MATR3: variants seen among roughly 807,000 people sequenced by gnomAD.
MATR3 encodes matrin 3, also known as matrin-3.
MATR3 carries 4 observed loss-of-function variants against 85.5 expected under a neutral mutation model. The observed-to-expected ratio is 0.05, with a 90% CI of 0.02 to 0.11. The LOEUF is 0.11. Among genes scored for constraint, MATR3 ranks in the 10% least tolerant of loss-of-function variants. The pLI, the probability that MATR3 is intolerant of heterozygous loss-of-function variation, is 1.00. For synonymous variants in MATR3, 336 were observed against 343.1 expected (o/e 0.98, Z 0.23); for missense variants, 685 against 1,016.1 (o/e 0.67, Z 4.43).
chr5:139,321,962 C>T lies in MATR3; in HGVS notation c.1667C>T (p.Ala556Val). The T allele has an allele frequency of 6.2e-7, 1 of 1,613,824 alleles. No individual in the cohort carries two copies. The highest frequency in any genetic ancestry group is 8.5e-7 in the Non-Finnish European group (1 of 1,179,890). ...ATGGTTGACCATTGTTTGAAAAAAG[C>T]CCTTTGGTTTCAGGGGAGATGTGTG... The part of the protein sequence containing the change: ...MAMVDHCLKK[A>V]LWFQGRCVKV... Residue 556 changes from alanine to valine, a missense_variant, in exon 10 of 15, where the codon GCC becomes GTC. Physicochemically the swap from Ala to Val is moderately conservative, Grantham distance 64 (BLOSUM62 0). Around this residue, in one of 9 missense-constraint regions of MATR3, gnomAD observed 50 missense variants for 133.4 expected, o/e 0.37. Transcript: ENST00000394805.
intron 1 of MATR3, among the ~76,000 whole-genome samples, chr5:139,296,233 T>C (rs1398508738): frequency 6.6e-6 from 1 of 152,244 alleles, no homozygotes; most frequent in Non-Finnish European, 1.5e-5. Flanking sequence ...CTGCTAATTC[T>C]GTTGTGAAAG....
intron 2 of MATR3, chr5:139,276,320 A>G (rs1403145857): frequency 1.2e-5 from 5 of 432,646 alleles, no homozygotes; most frequent in African/African-American, 2.0e-5. Context: ...ATGCCAGCAT[A>G]GTTGCTTATC....
Position 139,325,674 on chromosome 5 carries a change from G to A in MATR3, c.2371+12G>A, listed in dbSNP as rs758513625. 4 of 1,607,056 alleles carry A rather than the reference G, an allele frequency of 2.5e-6. No homozygotes were observed. The highest frequency in any genetic ancestry group is 2.6e-6 in the Non-Finnish European group (3 of 1,173,624). ...CAATGTTCCTGTTGGTGAGATTTAA[G>A]TCTTTGTTCTTCACCTTCCTCACTC... On this transcript the variant is annotated intron_variant, in intron 13 of 14. Coordinates refer to ENST00000394805, the MANE Select transcript of MATR3 (RefSeq NM_018834.6).
intron 1 of MATR3, among the ~76,000 whole-genome samples, chr5:139,302,083 C>G (rs1004309461): frequency 2.0e-5 from 3 of 152,148 alleles, no homozygotes; most frequent in Non-Finnish European, 4.4e-5. Flanking sequence ...ACTTTTTTAT[C>G]TTTTCTATTG....
At position 139,330,833 on chromosome 5, in the gene MATR3, T is replaced by C. The variant is rs1756106812; in HGVS notation, c.*1438T>C. 2.2e-6 allele frequency: 1 copy of C among 454,030 alleles called. No individual in the cohort carries two copies. Among genetic ancestry groups the C allele is most frequent in the East Asian group, 6.9e-5 (1 of 14,412 alleles). 28.1% of individuals were successfully genotyped at this position (454,030 alleles called of 1,614,324 possible). Reference sequence around the variant, plus strand: ...TCTTCCCTGACACAGGGTCTCACTCTGTCACCCAGACTGGAGTGCAGTGGC... The same window carrying C: ...TCTTCCCTGACACAGGGTCTCACTCCGTCACCCAGACTGGAGTGCAGTGGC... On this transcript the variant is annotated 3_prime_UTR_variant, in exon 15 of 15. Coordinates refer to ENST00000394805, the MANE Select transcript of MATR3 (RefSeq NM_018834.6).
chr5:139,314,011 G>C (rs1258400334), intron 2 of MATR3: 1 of 152,504 alleles, frequency 6.6e-6, no homozygotes, highest in East Asian at 1.9e-4. Context: ...CCGCCTTTTG[G>C]GTTCAAGAGA....
At chr5:139,290,903 AT>A (rs1753852622), upstream of MATR3, among the ~76,000 whole-genome samples, 3 of 152,178 alleles carry the variant, frequency 2.0e-5, no homozygotes, top group Admixed American at 6.5e-5. Flanking sequence ...GTTGGATAGT[AT>A]TAAATAGGAC....
chr5:139,314,922 C>T (rs1012851094), intron 3 of MATR3, 186 bp downstream of exon 3: 1 of 564,294 alleles, frequency 1.8e-6, no homozygotes, highest in Non-Finnish European at 3.2e-6. Flanking sequence ...ATATTAGATG[C>T]AGTAATAATA....
At chr5:139,294,757 T>A (rs1754056058) in intron 1 of MATR3, 1 of 152,126 alleles carries the variant, frequency 6.6e-6, no homozygotes, top group African/African-American at 2.4e-5. Context: ...TGGAGTACCG[T>A]GGTGTAGTCG....
At chr5:139,324,560 C>T (rs1285129627) in intron 12 of MATR3, among the ~76,000 whole-genome samples, 1 of 152,094 alleles carries the variant, frequency 6.6e-6, no homozygotes, top group Non-Finnish European at 1.5e-5. Flanking sequence ...TCCCAAAGTG[C>T]TGGAATTACA....
At chr5:139,288,664 G>A (rs1056821014) in intron 3 of MATR3, among the ~76,000 whole-genome samples, 5 of 151,072 alleles carry the variant, frequency 3.3e-5, no homozygotes, top group Admixed American at 6.6e-5. Flanking sequence ...TTTTTGAGAC[G>A]GAGTCTCACT....
In MATR3 at chr5:139,330,324, G is replaced by A. The variant is rs886059997; in HGVS notation, c.*929G>A. The A allele has an allele frequency of 2.2e-6, 1 of 453,956 alleles. No homozygotes were observed. Among genetic ancestry groups the A allele is most frequent in the South Asian group, 1.6e-5 (1 of 64,326 alleles). The allele number at this position is 453,956 out of a possible 1,614,324, so 28.1% of individuals were successfully genotyped here. A position where few individuals can be genotyped will look rare whatever the true frequency, so the allele number is the denominator to read the frequency against. On this transcript the variant is annotated 3_prime_UTR_variant, in exon 15 of 15. Transcript: ENST00000394805. ...TTGCATGTATAATTTGTGTTTACTT[G>A]TAACTTTCTGGTTATATACTGCTTA... is the stretch of plus-strand genomic sequence containing the variant.
chr5:139,285,543 C>T (rs1753675636), intron 3 of MATR3, among the ~76,000 whole-genome samples: 1 of 152,116 alleles, frequency 6.6e-6, no homozygotes, highest in South Asian at 2.1e-4. Context: ...ACTGGTGGCA[C>T]AGGCCTCTAC....
At chr5:139,315,942 C>G in intron 4 of MATR3, 134 bp from the exon 5 acceptor site, 1 of 797,152 alleles carries the variant, frequency 1.3e-6, no homozygotes, top group Non-Finnish European at 2.2e-6. Context: ...TAGACTTTGA[C>G]CTAGTTACTT....
Position 139,310,434 on chromosome 5 carries a change from G to GT in MATR3, c.912+2113dup, listed in dbSNP as rs566318499. ...TCTAGTTTTCTAGTTGCTTTACTATGTTTTTTACGTATATGCATTATATTG... is the reference window on the plus strand; with the variant it reads ...TCTAGTTTTCTAGTTGCTTTACTATGTTTTTTTACGTATATGCATTATATTG... On this transcript the variant is annotated intron_variant, in intron 2 of 14. Transcript: ENST00000394805. 493 of 152,198 alleles carry GT rather than the reference G, an allele frequency of 3.2e-3. 3 individuals are homozygous for GT. The highest frequency in any genetic ancestry group is 0.011 in the African/African-American group (469 of 41,520). 9.4% of individuals were successfully genotyped at this position (152,198 alleles called of 1,614,324 possible). A position where few individuals can be genotyped will look rare whatever the true frequency, so the allele number is the denominator to read the frequency against.
At chr5:139,308,394 A>G in intron 2 of MATR3, 67 bp downstream of exon 2, 2 of 1,572,000 alleles carry the variant, frequency 1.3e-6, no homozygotes, top group South Asian at 2.2e-5. Flanking sequence ...TATATCTTTG[A>G]CTCTAATTCT....
intron 9 of MATR3, among the ~76,000 whole-genome samples, chr5:139,320,260 G>C (rs971168144): frequency 2.0e-5 from 3 of 151,890 alleles, no homozygotes; most frequent in African/African-American, 7.3e-5. Context: ...AATGACTCGA[G>C]ATTGTGCCAC....
At chr5:139,319,860 CTTTTTTTTTTTTTTTTT>C (rs58123057) in intron 9 of MATR3, among the ~76,000 whole-genome samples, 3 of 44,156 alleles carry the variant, frequency 6.8e-5, no homozygotes, top group Admixed American at 3.9e-4. Context: ...AAAAAATTTG[CTTTTTTTTTTTTTTTTT>C]TTTTTTTTTT....
At chr5:139,328,962 G>A (rs918220194) in intron 14 of MATR3, among the ~76,000 whole-genome samples, 3 of 151,632 alleles carry the variant, frequency 2.0e-5, no homozygotes, top group African/African-American at 2.4e-5. Flanking sequence ...CCGAGATCAC[G>A]ACACTGCACT....
Sources: gnomAD v4.1 joint callset for allele counts (sites outside exome capture counted in the v4.1 genomes callset) on GRCh38, gnomAD v4.1.1 for gene constraint, gnomAD v4.1.1 regional missense constraint, MANE v1.5 for transcripts, NCBI Gene and HGNC (gene_info 2026-07-23, HGNC 2026-07-21) for gene names.